Variants in APBB1IP observed in about 807,000 individuals in gnomAD.
APBB1IP encodes the protein amyloid beta A4 precursor protein-binding family B member 1-interacting protein.
APBB1IP carries 27 observed loss-of-function variants against 64.9 expected under a neutral mutation model. That is an observed-to-expected ratio of 0.42 (90% confidence interval 0.31 to 0.57). The LOEUF (loss-of-function observed/expected upper bound fraction) is 0.57, where lower values mean the gene tolerates loss of function less well. Ranked by LOEUF, APBB1IP falls within the 20% of genes least tolerant of loss-of-function variation. APBB1IP has a pLI of 0.20. For missense variants in APBB1IP, 812 were observed against 845.5 expected (o/e 0.96, Z 0.49); for synonymous variants, 392 against 331.0 (o/e 1.18, Z -2.00).
At chr10:26,497,550 CA>C (rs1163690127) in intron 4 of APBB1IP, among the ~76,000 whole-genome samples, 59 of 132,106 alleles carry the variant, frequency 4.5e-4, no homozygotes, top group East Asian at 8.7e-4. Flanking sequence ...GACTCTGCCT[CA>C]AAAAAAAAAA....
intron 8 of APBB1IP, among the ~76,000 whole-genome samples, chr10:26,515,766 C>G (rs1836318969): frequency 6.6e-6 from 1 of 152,166 alleles, no homozygotes; most frequent in East Asian, 1.9e-4. Context: ...GATATTACCT[C>G]CATACCCCTT....
intron 6 of APBB1IP, among the ~76,000 whole-genome samples, chr10:26,506,078 C>T (rs762996668): frequency 2.6e-5 from 4 of 152,178 alleles, no homozygotes; most frequent in Non-Finnish European, 5.9e-5. Context: ...TTTGCAGGTC[C>T]TCTGCCTCTT....
chr10:26,547,873 C>A (rs530808040), intron 11 of APBB1IP, among the ~76,000 whole-genome samples: 66 of 152,330 alleles, frequency 4.3e-4, no homozygotes, highest in African/African-American at 1.6e-3. Context: ...AAGACACTAT[C>A]TTTCCCTCAA....
intron 6 of APBB1IP, among the ~76,000 whole-genome samples, chr10:26,507,477 G>A (rs1301154506): frequency 1.3e-5 from 2 of 152,118 alleles, no homozygotes; most frequent in Admixed American, 6.5e-5. Context: ...AGCCTGGGTG[G>A]CAGAGCAAGA....
chr10:26,493,706 C>T (rs1184286314), intron 3 of APBB1IP, among the ~76,000 whole-genome samples: 1 of 152,154 alleles, frequency 6.6e-6, no homozygotes, highest in Non-Finnish European at 1.5e-5. Context: ...ATACATCAAG[C>T]TCATAGTATC....
At chr10:26,444,657 G>C (rs1262409789) in intron 2 of APBB1IP, among the ~76,000 whole-genome samples, 1 of 152,150 alleles carries the variant, frequency 6.6e-6, no homozygotes, top group East Asian at 1.9e-4. Flanking sequence ...TAGATATGAA[G>C]TATCATTTGG....
intron 6 of APBB1IP, among the ~76,000 whole-genome samples, chr10:26,509,181 G>A (rs1381189960): frequency 6.6e-6 from 1 of 152,142 alleles, no homozygotes; most frequent in Admixed American, 6.5e-5. Context: ...CAGATGAATG[G>A]ATCTTTGACA....
At chr10:26,471,504 T>A (rs1835714640) in intron 2 of APBB1IP, among the ~76,000 whole-genome samples, 1 of 152,144 alleles carries the variant, frequency 6.6e-6, no homozygotes, top group Non-Finnish European at 1.5e-5. Context: ...GGAAAAGAAT[T>A]AAAACTGGAT....
chr10:26,496,625 G>A (rs2479880), intron 4 of APBB1IP, among the ~76,000 whole-genome samples: 83,059 of 151,634 alleles, frequency 0.55, 25,002 homozygotes, highest in East Asian at 0.84. Flanking sequence ...GAAAAGTCTC[G>A]AAATGATCTC....
intron 2 of APBB1IP, among the ~76,000 whole-genome samples, chr10:26,472,312 G>C (rs1835727622): frequency 6.6e-6 from 1 of 152,176 alleles, no homozygotes; most frequent in Non-Finnish European, 1.5e-5. Context: ...CAGGAAAGAG[G>C]CCTGGAGCCA....
intron 8 of APBB1IP, among the ~76,000 whole-genome samples, chr10:26,516,572 A>T (rs1402865217): frequency 6.7e-6 from 1 of 149,140 alleles, no homozygotes; most frequent in African/African-American, 2.5e-5. Flanking sequence ...GTAAAGCGGA[A>T]AAGTCAAGGA....
At chr10:26,536,736 G>C (rs1258140085) in intron 10 of APBB1IP, among the ~76,000 whole-genome samples, 4 of 113,788 alleles carry the variant, frequency 3.5e-5, no homozygotes, top group Admixed American at 2.6e-4. Flanking sequence ...CCGCCAAGTA[G>C]CTGGGACTAC....
chr10:26,491,090 C>A (rs1394336219), intron 2 of APBB1IP, among the ~76,000 whole-genome samples: 2 of 152,020 alleles, frequency 1.3e-5, no homozygotes, highest in Admixed American at 6.6e-5. Flanking sequence ...ACCAGCCTGG[C>A]CAACATGATG....
At chr10:26,529,880 A>T (rs1836526369) in intron 8 of APBB1IP, among the ~76,000 whole-genome samples, 1 of 152,130 alleles carries the variant, frequency 6.6e-6, no homozygotes, top group Non-Finnish European at 1.5e-5. Flanking sequence ...ACCTCAGGTG[A>T]TTCACCCACC....
intron 10 of APBB1IP, among the ~76,000 whole-genome samples, chr10:26,540,991 A>G (rs1836689588): frequency 6.6e-6 from 1 of 151,664 alleles, no homozygotes. Flanking sequence ...GAATGGCAAA[A>G]GTCAAAATGA....
intron 14 of APBB1IP, among the ~76,000 whole-genome samples, chr10:26,566,212 A>C (rs1385484896): frequency 6.6e-6 from 1 of 152,182 alleles, no homozygotes; most frequent in East Asian, 1.9e-4. Flanking sequence ...TGAGGCTAGG[A>C]GTCTGAGACT....
intron 4 of APBB1IP, among the ~76,000 whole-genome samples, chr10:26,497,269 A>G (rs1194815564): frequency 6.6e-6 from 1 of 152,184 alleles, no homozygotes; most frequent in African/African-American, 2.4e-5. Flanking sequence ...ATAAGTCTTG[A>G]GGCCAGGCGC....
intron 11 of APBB1IP, among the ~76,000 whole-genome samples, chr10:26,554,309 T>C (rs1043475367): frequency 4.6e-5 from 7 of 152,176 alleles, no homozygotes; most frequent in African/African-American, 1.7e-4. Flanking sequence ...ATCAAGGTGA[T>C]ATTGGAATCA....
chr10:26,482,935 A>T (rs1235328266), intron 2 of APBB1IP, among the ~76,000 whole-genome samples: 2 of 151,468 alleles, frequency 1.3e-5, no homozygotes, highest in African/African-American at 4.8e-5. Flanking sequence ...AAAAAAAAAA[A>T]AAAAAATTAG....
Sources: allele counts gnomAD v4.1 joint callset (sites outside exome capture counted in the v4.1 genomes callset), GRCh38; gene constraint gnomAD v4.1.1; transcripts MANE v1.5; gene names NCBI Gene and HGNC (gene_info 2026-07-23, HGNC 2026-07-21).